Variants in KCNAB2 observed in about 807,000 individuals in gnomAD.
The protein encoded by KCNAB2 is potassium voltage-gated channel subfamily A regulatory beta subunit 2.
A neutral mutation model predicts 63.6 loss-of-function variants in KCNAB2; 29 were observed. That is an observed-to-expected ratio of 0.46 (90% CI 0.34 to 0.62). The LOEUF (loss-of-function observed/expected upper bound fraction) is 0.62. Ranked by LOEUF, KCNAB2 falls within the 20% of genes least tolerant of loss-of-function variation. KCNAB2 has a pLI of 0.01. For synonymous variants in KCNAB2, 222 were observed against 224.2 expected (o/e 0.99, Z 0.09); for missense variants, 359 against 563.9 (o/e 0.64, Z 3.68).
At chr1:6,097,447 C>T in intron 15 of KCNAB2, 90 bp downstream of exon 15, 5 of 1,542,868 alleles carry the variant, frequency 3.2e-6, no homozygotes, top group South Asian at 2.4e-5. Flanking sequence ...GCGTGCCAGG[C>T]TCTGTTCTAG....
chr1:6,070,793 C>T (rs909703514), intron 2 of KCNAB2, among the ~76,000 whole-genome samples: 5 of 152,042 alleles, frequency 3.3e-5, no homozygotes, highest in African/African-American at 9.7e-5. Flanking sequence ...ATAAAATGCC[C>T]GGTGTCCTCC....
intron 2 of KCNAB2, among the ~76,000 whole-genome samples, chr1:6,059,526 G>A (rs1662125919): frequency 6.6e-6 from 1 of 152,182 alleles, no homozygotes; most frequent in African/African-American, 2.4e-5. Context: ...GCCCCTTCCT[G>A]GAGGTTTGGG....
intron 2 of KCNAB2, among the ~76,000 whole-genome samples, chr1:6,059,425 A>T (rs1328416150): frequency 6.6e-6 from 1 of 152,130 alleles, no homozygotes; most frequent in East Asian, 1.9e-4. Context: ...CCTGGGCTCA[A>T]GCGATCCACC....
chr1:6,040,882 G>A (rs921325197), intron 2 of KCNAB2, among the ~76,000 whole-genome samples: 1 of 152,270 alleles, frequency 6.6e-6, no homozygotes, highest in African/African-American at 2.4e-5. Context: ...GGGCGTTTGA[G>A]CCAGAGTAGA....
chr1:6,083,817 G>A (rs907441263), intron 5 of KCNAB2, among the ~76,000 whole-genome samples: 4 of 152,230 alleles, frequency 2.6e-5, no homozygotes, highest in African/African-American at 7.2e-5. Context: ...TAATTTGCAC[G>A]CTTCTCAGAG....
rs1665540318 is a variant in KCNAB2, at chr1:6,095,463, T to TCGCCC, written c.853+27_853+31dup. The TCGCCC allele has an allele frequency of 6.2e-7, 1 of 1,609,652 alleles. No homozygotes were observed. The highest frequency in any genetic ancestry group is 8.5e-7 in the Non-Finnish European group (1 of 1,177,388). On this transcript the variant is annotated intron_variant, in intron 12 of 15. Coordinates refer to ENST00000378083, the MANE Select transcript of KCNAB2 (RefSeq NM_001199862.2). ...AGATAGGTGGGCACCCTCGGGCCCC[T>TCGCCC]CGCCCCGCCCCACCCCACCCCTGCT...
chr1:6,050,186 G>A (rs1661268806), intron 1 of KCNAB2, among the ~76,000 whole-genome samples: 1 of 152,190 alleles, frequency 6.6e-6, no homozygotes. Flanking sequence ...TTCCTCTCTT[G>A]GGGCAGAAGG....
chr1:6,087,189 C>T lies in KCNAB2; in HGVS notation c.426-278C>T, dbSNP rs555937964. Reference sequence around the variant, plus strand: ...CATCCTGGGCGGAAGGCATCTCCTCCGGACTCCGGTCACACTAGGCCCCCC... The same window carrying T: ...CATCCTGGGCGGAAGGCATCTCCTCTGGACTCCGGTCACACTAGGCCCCCC... On this transcript the variant is annotated intron_variant, in intron 6 of 15. Coordinates refer to ENST00000378083, the MANE Select transcript of KCNAB2 (RefSeq NM_001199862.2). This position sits in a 1 kb window ranked among gnomAD's most constrained non-coding sequence, Gnocchi z 6.4. 6.0e-4 allele frequency among the ~76,000 whole-genome samples: 92 copies of T among 152,272 alleles called. 1 individual carries two copies. In the Middle Eastern group the frequency reaches 0.02, roughly 34 times the overall value.
Position 6,063,260 on chromosome 1 carries a change from C to T in KCNAB2, c.219-9495C>T, listed in dbSNP as rs796425861. On this transcript the variant is annotated intron_variant, in intron 2 of 15. Transcript: ENST00000378083. ...GGCTGGTCTCAAACTCCTGACCTCACGATCCACCTGCCTCAGCCTCCCAAA... is the reference window on the plus strand; with the variant it reads ...GGCTGGTCTCAAACTCCTGACCTCATGATCCACCTGCCTCAGCCTCCCAAA... Among the ~76,000 whole-genome samples the T allele has an allele frequency of 1.1e-4, 17 of 151,656 alleles. No homozygotes were observed. In the East Asian group the frequency reaches 1.6e-3, roughly 14 times the overall value.
In KCNAB2 at chr1:6,098,656, G is replaced by A; in HGVS notation, c.*82G>A. 1 of 1,525,352 alleles carries A rather than the reference G, an allele frequency of 6.6e-7. No individual in the cohort carries two copies. Among genetic ancestry groups the A allele is most frequent in the Non-Finnish European group, 8.9e-7 (1 of 1,121,412 alleles). The allele number at this position is 1,525,352 out of a possible 1,614,324, so 94.5% of individuals were successfully genotyped here. ...CGCTTAAGCTGTTTTGAAGCCAAGT[G>A]AAGAGTGTGGTTTGCATCCAAGAGA... On this transcript the variant is annotated 3_prime_UTR_variant, in exon 16 of 16. Coordinates refer to ENST00000378083, the MANE Select transcript of KCNAB2 (RefSeq NM_001199862.2).
rs1261711075 is a variant in KCNAB2 at position 6,085,253 on chromosome 1, C to T, written c.425+5C>T. On this transcript the variant is annotated splice_donor_5th_base_variant and intron_variant, in intron 6 of 15. Transcript: ENST00000378083. ...CATTAAGAAGAAAGGATGGAGGTAA[C>T]GGCCCTGCTCTCTGCGGCCTGTCCC... is the stretch of plus-strand genomic sequence containing the variant. 1.2e-5 allele frequency: 20 copies of T among 1,613,386 alleles called. No individual in the cohort carries two copies. The highest frequency in any genetic ancestry group is 7.7e-5 in the South Asian group (7 of 91,068).
chr1:6,009,873 C>CTT (rs202118090), intron 1 of KCNAB2, among the ~76,000 whole-genome samples: 1 of 139,084 alleles, frequency 7.2e-6, no homozygotes. Flanking sequence ...TTCTTTTTTT[C>CTT]TTTTTTTTTT....
chr1:6,084,443 G>A (rs572671655), intron 5 of KCNAB2, among the ~76,000 whole-genome samples: 8 of 152,240 alleles, frequency 5.3e-5, no homozygotes, highest in Non-Finnish European at 1.0e-4. Context: ...AGATCTGCTG[G>A]AAATCCAGCC....
At position 6,096,305 on chromosome 1, in the gene KCNAB2, G is replaced by A. The variant is rs370946142; in HGVS notation, c.949-331G>A. On this transcript the variant is annotated intron_variant, in intron 13 of 15. Transcript: ENST00000378083. The surrounding 1 kb of genome is among the most constrained non-coding windows in gnomAD (Gnocchi z 5.9). Reference sequence around the variant, plus strand: ...AGGAGGTTCTTCTGGGCCACGGGTGGCAGCCGAGACCCCAGGCTGCCAAGT... The same window carrying A: ...AGGAGGTTCTTCTGGGCCACGGGTGACAGCCGAGACCCCAGGCTGCCAAGT... 1.1e-4 allele frequency: 45 copies of A among 404,096 alleles called. No homozygotes were observed. Among genetic ancestry groups the A allele is most frequent in the African/African-American group, 8.6e-4 (42 of 48,690 alleles). The allele number at this position is 404,096 out of a possible 1,614,324, so 25.0% of individuals were successfully genotyped here.
chr1:6,055,592 G>C (rs1661749642), intron 2 of KCNAB2, among the ~76,000 whole-genome samples: 1 of 152,144 alleles, frequency 6.6e-6, no homozygotes, highest in African/African-American at 2.4e-5. Flanking sequence ...CTGACCTCAG[G>C]TGATCTGCCC....
intron 1 of KCNAB2, among the ~76,000 whole-genome samples, chr1:6,000,971 G>A (rs764284002): frequency 5.3e-5 from 8 of 152,182 alleles, no homozygotes; most frequent in South Asian, 2.1e-4. Flanking sequence ...CATTGACAGC[G>A]TCCATCTCAC....
intron 1 of KCNAB2, among the ~76,000 whole-genome samples, chr1:6,037,491 G>A (rs1183933073): frequency 6.6e-6 from 1 of 152,196 alleles, no homozygotes; most frequent in Non-Finnish European, 1.5e-5. Context: ...CTGGTTTCCT[G>A]TCCACGTCCC....
chr1:6,083,780 G>A lies in KCNAB2; in HGVS notation c.381-1424G>A, dbSNP rs1214003785. Among the ~76,000 whole-genome samples the A allele has an allele frequency of 2.0e-5, 3 of 152,340 alleles. No homozygotes were observed. The East Asian group carries it at 5.8e-4, about 29-fold the overall frequency. On this transcript the variant is annotated intron_variant, in intron 5 of 15. Coordinates refer to ENST00000378083, the MANE Select transcript of KCNAB2 (RefSeq NM_001199862.2). ...CAGGGGGCCAAACCCGTATCTTCCC[G>A]AGGCCCCTTGCTTCTCCTGCTGACA...
In KCNAB2 at chr1:6,065,902, C is replaced by T. The variant is rs79707275; in HGVS notation, c.219-6853C>T. Among the ~76,000 whole-genome samples, 312 of 152,360 alleles carry T rather than the reference C, an allele frequency of 2.0e-3. 3 individuals carry two copies. Among genetic ancestry groups the T allele is most frequent in the African/African-American group, 7.0e-3 (292 of 41,590 alleles). Reference sequence around the variant, plus strand: ...AGAGCTGTGCAGCCTTCTTCCCCACCGTTGCCTTCGGAAATCCTCACTCCT... The same window carrying T: ...AGAGCTGTGCAGCCTTCTTCCCCACTGTTGCCTTCGGAAATCCTCACTCCT... On this transcript the variant is annotated intron_variant, in intron 2 of 15. Coordinates refer to ENST00000378083, the MANE Select transcript of KCNAB2 (RefSeq NM_001199862.2).
Sources: allele counts gnomAD v4.1 joint callset (sites outside exome capture counted in the v4.1 genomes callset), GRCh38; gene constraint gnomAD v4.1.1; non-coding constraint Gnocchi (gnomAD v3.1); transcripts MANE v1.5; gene names NCBI Gene and HGNC (gene_info 2026-07-23, HGNC 2026-07-21).